RAPGEF4: variants seen among roughly 807,000 people sequenced by gnomAD.
RAPGEF4 encodes the protein RAP guanine-nucleotide-exchange factor (GEF) 4.
In RAPGEF4, 66 loss-of-function variants were observed where a neutral mutation model predicts 147.9. The ratio of observed to expected loss-of-function variants is 0.45; its 90% confidence interval spans 0.37 to 0.55. RAPGEF4 has a LOEUF of 0.55. Among genes scored for constraint, RAPGEF4 ranks in the 20% least tolerant of loss-of-function variants. RAPGEF4 has a pLI of 0.00. For missense variants in RAPGEF4, 1,071 were observed against 1,257.3 expected (o/e 0.85, Z 2.24); for synonymous variants, 419 against 442.7 (o/e 0.95, Z 0.67).
chr2:172,998,686 G>T lies in RAPGEF4; in HGVS notation c.1579+2132G>T, dbSNP rs1437982795. On this transcript the variant is annotated intron_variant, in intron 16 of 30. Transcript: ENST00000397081. ...GTATAGAGAAACTGTTGAAGAACCG[G>T]TTATGTGAGGATAGCTACCAAGAGC... Among the ~76,000 whole-genome samples, 5 of 152,292 alleles carry T rather than the reference G, an allele frequency of 3.3e-5. No individual in the cohort carries two copies. In the East Asian group the frequency reaches 9.6e-4, roughly 29 times the overall value.
chr2:172,924,773 C>T (rs988314304), intron 6 of RAPGEF4, among the ~76,000 whole-genome samples: 1 of 152,174 alleles, frequency 6.6e-6, no homozygotes, highest in African/African-American at 2.4e-5. Flanking sequence ...TCTTTAACTA[C>T]ATGCTGGGCA....
rs376303892 is a variant in RAPGEF4 at position 172,771,582 on chromosome 2, CGTAA to C, written c.66-23440_66-23437del. Among the ~76,000 whole-genome samples, 700 of 152,036 alleles carry C rather than the reference CGTAA, an allele frequency of 4.6e-3. 8 individuals are homozygous for C. Among genetic ancestry groups the C allele is most frequent in the African/African-American group, 0.016 (665 of 41,472 alleles). On this transcript the variant is annotated intron_variant, in intron 1 of 30. Transcript: ENST00000397081. ...CTGTAATTAGGAAAAGACAAACTCT[CGTAA>C]GTGTTATTTTTAAATTCTTTTTATT...
intron 4 of RAPGEF4, among the ~76,000 whole-genome samples, chr2:172,886,263 C>T (rs1697200759): frequency 6.6e-6 from 1 of 152,208 alleles, no homozygotes; most frequent in Admixed American, 6.5e-5. Context: ...AGAACACAGG[C>T]ACATCCATTT....
At chr2:173,036,246 G>A in intron 28 of RAPGEF4, 34 bp downstream of exon 28, 1 of 1,483,952 alleles carries the variant, frequency 6.7e-7, no homozygotes, top group Admixed American at 1.7e-5. Flanking sequence ...CCAAGCAGGT[G>A]ATGAGTATTT....
intron 6 of RAPGEF4, among the ~76,000 whole-genome samples, chr2:172,959,004 A>G (rs1031866890): frequency 6.6e-6 from 1 of 152,218 alleles, no homozygotes; most frequent in Non-Finnish European, 1.5e-5. Flanking sequence ...TATTAGGACT[A>G]GAGGGAAAAC....
intron 1 of RAPGEF4, among the ~76,000 whole-genome samples, chr2:172,790,322 A>G (rs1390554365): frequency 1.3e-5 from 2 of 152,178 alleles, no homozygotes; most frequent in African/African-American, 4.8e-5. Flanking sequence ...ACCAAGTTGT[A>G]GAGGTTGTAA....
chr2:172,958,183 A>G (rs1688934790), intron 6 of RAPGEF4, among the ~76,000 whole-genome samples: 1 of 152,202 alleles, frequency 6.6e-6, no homozygotes, highest in Non-Finnish European at 1.5e-5. Flanking sequence ...CTCAGAAACA[A>G]ATCCCATACC....
In RAPGEF4 at chr2:173,014,460, G is replaced by A; in HGVS notation, c.1659-4G>A. On this transcript the variant is annotated splice_polypyrimidine_tract_variant and splice_region_variant and intron_variant, in intron 17 of 30. Transcript: ENST00000397081. ...GCTCAATTTCTTCCTTGACTCCTCG[G>A]CACCTACCACGCACAGCCTTCACAA... is the stretch of plus-strand genomic sequence containing the variant. The A allele has an allele frequency of 6.2e-7, 1 of 1,613,530 alleles. No homozygotes were observed. Among genetic ancestry groups the A allele is most frequent in the Non-Finnish European group, 8.5e-7 (1 of 1,179,726 alleles).
At chr2:172,807,839 G>T (rs891530041) in intron 3 of RAPGEF4, among the ~76,000 whole-genome samples, 1 of 152,164 alleles carries the variant, frequency 6.6e-6, no homozygotes, top group African/African-American at 2.4e-5. Context: ...TGTTAACTCA[G>T]TATATGTCCA....
chr2:173,002,015 A>AAAAAAAAAAAAAAAAAC (rs397986704), intron 17 of RAPGEF4, among the ~76,000 whole-genome samples: 5 of 142,800 alleles, frequency 3.5e-5, no homozygotes, highest in Non-Finnish European at 6.1e-5. Context: ...AAAAAAAAAA[A>AAAAAAAAAAAAAAAAAC]TCCATTGCCT....
intron 1 of RAPGEF4, among the ~76,000 whole-genome samples, chr2:172,792,914 C>A (rs1161778814): frequency 6.6e-6 from 1 of 152,168 alleles, no homozygotes; most frequent in Non-Finnish European, 1.5e-5. Flanking sequence ...AAACACATGC[C>A]TCCTGTCTTA....
chr2:172,767,585 A>G (rs1295660452), intron 1 of RAPGEF4, among the ~76,000 whole-genome samples: 5 of 152,374 alleles, frequency 3.3e-5, no homozygotes, highest in Non-Finnish European at 7.3e-5. Context: ...AAGAAAAATA[A>G]CCTAAAGATG....
intron 22 of RAPGEF4, among the ~76,000 whole-genome samples, chr2:173,020,269 T>C (rs1695946433): frequency 6.6e-6 from 1 of 152,242 alleles, no homozygotes; most frequent in South Asian, 2.1e-4. Flanking sequence ...GATCTTTCTA[T>C]GTCCAAAGTC....
At chr2:172,947,335 G>A (rs910056385) in intron 6 of RAPGEF4, among the ~76,000 whole-genome samples, 2 of 152,094 alleles carry the variant, frequency 1.3e-5, no homozygotes, top group Non-Finnish European at 2.9e-5. Flanking sequence ...TTTTTCCTGT[G>A]TTTACATACT....
At chr2:172,823,762 A>G (rs1334324396) in intron 4 of RAPGEF4, among the ~76,000 whole-genome samples, 1 of 152,154 alleles carries the variant, frequency 6.6e-6, no homozygotes, top group African/African-American at 2.4e-5. Flanking sequence ...ACTGACCTCA[A>G]TGTTTTGAGC....
chr2:172,988,599 A>G, intron 13 of RAPGEF4, 94 bp from the exon 14 acceptor site: 1 of 1,383,174 alleles, frequency 7.2e-7, no homozygotes, highest in Non-Finnish European at 9.9e-7. Context: ...TTTATCTACA[A>G]TGTTTTAGGG....
At chr2:172,841,817 C>CACACACACACACA (rs1691638802) in intron 4 of RAPGEF4, among the ~76,000 whole-genome samples, 1 of 122,088 alleles carries the variant, frequency 8.2e-6, no homozygotes, top group Admixed American at 9.3e-5. Context: ...CACACACACA[C>CACACACACACACA]TACACACACA....
intron 4 of RAPGEF4, among the ~76,000 whole-genome samples, chr2:172,894,640 A>G (rs36026673): frequency 0.025 from 3,877 of 152,274 alleles, 70 homozygotes; most frequent in Non-Finnish European, 0.041. Flanking sequence ...TTCAGTCTGA[A>G]TAGGAAATTT....
At chr2:172,983,983 G>A (rs114913206) in intron 11 of RAPGEF4, among the ~76,000 whole-genome samples, 126 of 152,230 alleles carry the variant, frequency 8.3e-4, no homozygotes, top group African/African-American at 2.9e-3. Flanking sequence ...GGCTTATGGG[G>A]CCAACTCCAC....
Sources: allele counts gnomAD v4.1 joint callset (sites outside exome capture counted in the v4.1 genomes callset), GRCh38; gene constraint gnomAD v4.1.1; transcripts MANE v1.5; gene names NCBI Gene and HGNC (gene_info 2026-07-23, HGNC 2026-07-21).